Variants in LZIC observed in about 807,000 individuals in gnomAD.
LZIC encodes the protein leucine zipper and CTNNBIP1 domain containing.
LZIC carries 28 observed loss-of-function variants against 25.4 expected under a neutral mutation model. The ratio of observed to expected loss-of-function variants is 1.10; its 90% CI spans 0.82 to 1.51. The LOEUF (loss-of-function observed/expected upper bound fraction) is 1.51, where lower values mean the gene tolerates loss of function less well. Among genes scored for constraint, LZIC ranks in the 40% most tolerant of loss-of-function variants. The pLI is 0.00. For synonymous variants in LZIC, 65 were observed against 70.7 expected (o/e 0.92, Z 0.40); for missense variants, 170 against 211.1 (o/e 0.81, Z 1.21).
downstream of LZIC, among the ~76,000 whole-genome samples, chr1:9,925,383 G>C (rs1216186494): frequency 6.6e-6 from 1 of 152,092 alleles, no homozygotes; most frequent in African/African-American, 2.4e-5. Flanking sequence ...CAAACACACA[G>C]AAAAACTTGA....
chr1:9,935,040 A>G (rs1207223351), intron 4 of LZIC, among the ~76,000 whole-genome samples, 180 bp from the exon 5 acceptor site: 1 of 152,152 alleles, frequency 6.6e-6, no homozygotes, highest in Non-Finnish European at 1.5e-5. Flanking sequence ...ACACTCATCT[A>G]GAAGTTACAC....
chr1:9,924,131 C>A (rs180681264), downstream of LZIC, among the ~76,000 whole-genome samples: 7 of 152,292 alleles, frequency 4.6e-5, no homozygotes, highest in Non-Finnish European at 8.8e-5. Flanking sequence ...CGTGATCCAC[C>A]CGCCTCGGCC....
intron 2 of LZIC, among the ~76,000 whole-genome samples, chr1:9,941,537 G>T (rs2101616176): frequency 7.6e-6 from 1 of 131,900 alleles, no homozygotes. Flanking sequence ...GTCTCACTCT[G>T]TCGCCAGGCT....
intron 2 of LZIC, among the ~76,000 whole-genome samples, chr1:9,942,053 A>T (rs1292006903): frequency 6.6e-6 from 1 of 152,110 alleles, no homozygotes; most frequent in African/African-American, 2.4e-5. Context: ...AGTAGCTGGG[A>T]CTACAGGCAT....
intron 2 of LZIC, 95 bp downstream of exon 2, chr1:9,942,529 A>T: frequency 2.2e-6 from 1 of 445,822 alleles, no homozygotes; most frequent in Non-Finnish European, 3.9e-6. Flanking sequence ...ACCACCTAGT[A>T]GTCACTAAAT....
chr1:9,925,796 G>C (rs1214656610), downstream of LZIC, among the ~76,000 whole-genome samples: 2 of 150,300 alleles, frequency 1.3e-5, no homozygotes, highest in African/African-American at 4.9e-5. Context: ...CACCATATTG[G>C]CCAGGCTGGT....
rs781320125 is a variant in LZIC at position 9,931,931 on chromosome 1, A to AC, written c.473dup (p.Ala159CysfsTer7). The AC allele has an allele frequency of 1.2e-6, 2 of 1,613,910 alleles. No homozygotes were observed. Among genetic ancestry groups the AC allele is most frequent in the South Asian group, 1.1e-5 (1 of 91,074 alleles). ...CTTTCTCAAACTGGCTGAGTATAGC[A>AC]CCTGCATTTGCTGACAAGAAGGCCT... On this transcript the variant is annotated frameshift_variant, in exon 7 of 8. Transcript: ENST00000377223. LOFTEE classifies it high-confidence loss of function.
chr1:9,927,543 C>T lies in LZIC; in HGVS notation c.*2856G>A, dbSNP rs918986260. On this transcript the variant is annotated 3_prime_UTR_variant, in exon 8 of 8. Transcript: ENST00000377223. ...TCTCAAATCCTGAGTTCAGGCGATC[C>T]GCCCACCTCTGCCTCCCAGAGTTCT... is the stretch of plus-strand genomic sequence containing the variant. Among the ~76,000 whole-genome samples, 1 of 151,506 alleles carries T rather than the reference C, an allele frequency of 6.6e-6. No homozygotes were observed. Among genetic ancestry groups the T allele is most frequent in the East Asian group, 1.9e-4 (1 of 5,142 alleles).
intron 2 of LZIC, among the ~76,000 whole-genome samples, chr1:9,941,792 C>T (rs1305722073): frequency 2.0e-5 from 3 of 152,134 alleles, no homozygotes; most frequent in Non-Finnish European, 4.4e-5. Context: ...CCACCGCACC[C>T]GGCCTTTACC....
At chr1:9,923,969 C>A (rs933668242), downstream of LZIC, among the ~76,000 whole-genome samples, 6 of 152,170 alleles carry the variant, frequency 3.9e-5, no homozygotes, top group Non-Finnish European at 7.3e-5. Flanking sequence ...CCAGGCTGGT[C>A]TCAAACTGCT....
chr1:9,941,185 G>A (rs985928789), intron 2 of LZIC, among the ~76,000 whole-genome samples: 7 of 151,424 alleles, frequency 4.6e-5, no homozygotes, highest in African/African-American at 1.2e-4. Context: ...TCTTTCGTTC[G>A]TTCGTTCTTT....
Position 9,927,968 on chromosome 1 carries a change from C to T in LZIC, c.*2431G>A, listed in dbSNP as rs780258561. Among the ~76,000 whole-genome samples the T allele has an allele frequency of 1.3e-5, 2 of 151,940 alleles. No homozygotes were observed. Among genetic ancestry groups the T allele is most frequent in the South Asian group, 2.1e-4 (1 of 4,832 alleles). Reference sequence around the variant, plus strand: ...GATTACAGGTGTGAGCCACTGTGCCCGACTGGTGGGAAGAATCTTCTATGG... The same window carrying T: ...GATTACAGGTGTGAGCCACTGTGCCTGACTGGTGGGAAGAATCTTCTATGG... On this transcript the variant is annotated 3_prime_UTR_variant, in exon 8 of 8. Coordinates refer to ENST00000377223, the MANE Select transcript of LZIC (RefSeq NM_032368.5).
At position 9,928,904 on chromosome 1, in the gene LZIC, A is replaced by G. The variant is rs1640101505; in HGVS notation, c.*1495T>C. On this transcript the variant is annotated 3_prime_UTR_variant, in exon 8 of 8. Coordinates refer to ENST00000377223, the MANE Select transcript of LZIC (RefSeq NM_032368.5). ...AAAAAGAAAAGAAAATATTATGCTAAGTGAAAGAAGCCAGATACATAAAAA... is the reference window on the plus strand; with the variant it reads ...AAAAAGAAAAGAAAATATTATGCTAGGTGAAAGAAGCCAGATACATAAAAA... The G allele has an allele frequency of 6.6e-6, 1 of 151,916 alleles. No homozygotes were observed. Among genetic ancestry groups the G allele is most frequent in the Admixed American group, 6.6e-5 (1 of 15,190 alleles). The allele number at this position is 151,916 out of a possible 1,614,324, so 9.4% of individuals were successfully genotyped here. A position where few individuals can be genotyped will look rare whatever the true frequency, so the allele number is the denominator to read the frequency against.
At chr1:9,940,628 T>C (rs1640684412) in intron 2 of LZIC, among the ~76,000 whole-genome samples, 1 of 152,190 alleles carries the variant, frequency 6.6e-6, no homozygotes. Context: ...TTAAAGCATG[T>C]TTTATTTTCC....
intron 1 of LZIC, 192 bp downstream of exon 1, chr1:9,943,057 A>G: frequency 3.6e-6 from 1 of 279,388 alleles, no homozygotes; most frequent in South Asian, 3.4e-5. Context: ...CTTCCTTGAA[A>G]GTGAGGAGGG....
At position 9,934,771 on chromosome 1, in the gene LZIC, C is replaced by A. The variant is rs761015461; in HGVS notation, c.327G>T (p.Arg109Ser). The A allele has an allele frequency of 2.5e-5, 41 of 1,613,748 alleles. No homozygotes were observed. The highest frequency in any genetic ancestry group is 3.3e-5 in the Non-Finnish European group (39 of 1,179,808). The change falls in exon 5 of 8, where the codon AGG (arginine) becomes AGT (serine). Residue 109 changes from arginine (R) to serine (S), a missense_variant. Physicochemically the swap from Arg to Ser is moderately radical, Grantham distance 110. Coordinates refer to ENST00000377223, the MANE Select transcript of LZIC (RefSeq NM_032368.5). ...AKKQPGQLRTRLAEMDRDLMV... is the reference protein window; with the variant it reads ...AKKQPGQLRTSLAEMDRDLMV... Reference sequence around the variant, plus strand: ...TTTAAAGAAATTTTACCTCTGCTAACCTTGTCCGAAGCTGACCTGGTTGTT... The same window carrying A: ...TTTAAAGAAATTTTACCTCTGCTAAACTTGTCCGAAGCTGACCTGGTTGTT...
At position 9,930,255 on chromosome 1, in the gene LZIC, A is replaced by G. The variant is rs969320127; in HGVS notation, c.*144T>C. Reference sequence around the variant, plus strand: ...ATGATGAAGAGCATAAACACAAGCCATAAGTATATTTTTATGTCGCTTTTT... The same window carrying G: ...ATGATGAAGAGCATAAACACAAGCCGTAAGTATATTTTTATGTCGCTTTTT... On this transcript the variant is annotated 3_prime_UTR_variant, in exon 8 of 8. Coordinates refer to ENST00000377223, the MANE Select transcript of LZIC (RefSeq NM_032368.5). 7 of 1,520,914 alleles carry G rather than the reference A, an allele frequency of 4.6e-6. No homozygotes were observed. The highest frequency in any genetic ancestry group is 2.2e-5 in the Admixed American group (1 of 45,688). 94.2% of individuals were successfully genotyped at this position (1,520,914 alleles called of 1,614,324 possible). A position where few individuals can be genotyped will look rare whatever the true frequency, so the allele number is the denominator to read the frequency against.
chr1:9,942,439 G>A (rs1640800275), intron 2 of LZIC, among the ~76,000 whole-genome samples, 185 bp downstream of exon 2: 1 of 152,138 alleles, frequency 6.6e-6, no homozygotes, highest in Non-Finnish European at 1.5e-5. Flanking sequence ...ATACATTTCA[G>A]TAAAAATGGG....
At chr1:9,939,101 T>C (rs1640579906) in intron 2 of LZIC, among the ~76,000 whole-genome samples, 2 of 152,050 alleles carry the variant, frequency 1.3e-5, no homozygotes, top group African/African-American at 4.8e-5. Context: ...TTTTTTAGAC[T>C]GAGTCTTGCT....
Sources: allele counts gnomAD v4.1 joint callset (sites outside exome capture counted in the v4.1 genomes callset), GRCh38; gene constraint gnomAD v4.1.1; transcripts MANE v1.5; gene names NCBI Gene and HGNC (gene_info 2026-07-23, HGNC 2026-07-21).